GALNT9: variants seen among roughly 807,000 people sequenced by gnomAD.
GALNT9 encodes GalNAc transferase 9.
GALNT9 carries 47 observed loss-of-function variants against 63.1 expected under a neutral mutation model. The ratio of observed to expected loss-of-function variants is 0.75; its 90% CI spans 0.59 to 0.95. The LOEUF (loss-of-function observed/expected upper bound fraction) is 0.95, where lower values mean the gene tolerates loss of function less well. Ranked by LOEUF, GALNT9 falls within the 40% of genes least tolerant of loss-of-function variation. The pLI is 0.00. For missense variants in GALNT9, 829 were observed against 874.8 expected (o/e 0.95, Z 0.66); for synonymous variants, 396 against 365.7 (o/e 1.08, Z -0.94).
rs568788595 is a variant in GALNT9, at chr12:132,246,983, A to G, written c.1077+927T>C. On this transcript the variant is annotated intron_variant, in intron 6 of 10. Coordinates refer to ENST00000328957, the MANE Select transcript of GALNT9 (RefSeq NM_001122636.2). The surrounding 1 kb of genome is among the most constrained non-coding windows in gnomAD (Gnocchi z 4.7). ...CAGGTTTTGAAAGGTGCAACTTAAT[A>G]AACTACATATAAATTTTTAAAACTA... is the stretch of plus-strand genomic sequence containing the variant. 6.6e-6 allele frequency among the ~76,000 whole-genome samples: 1 copy of G among 152,356 alleles called. No homozygotes were observed. The highest frequency in any genetic ancestry group is 3.4e-3 in the Middle Eastern group (1 of 294).
chr12:132,212,020 A>G (rs1158982658), intron 6 of GALNT9, among the ~76,000 whole-genome samples: 5 of 152,234 alleles, frequency 3.3e-5, no homozygotes, highest in African/African-American at 1.2e-4. Context: ...GACACTCCGC[A>G]TGGCAGCGGA....
At chr12:132,219,835 G>A (rs1877375214) in intron 6 of GALNT9, among the ~76,000 whole-genome samples, 1 of 150,778 alleles carries the variant, frequency 6.6e-6, no homozygotes, top group Non-Finnish European at 1.5e-5. Context: ...AAGGGGAAGG[G>A]GCACCTCCCC....
At chr12:132,207,983 C>T (rs1472075868) in intron 6 of GALNT9, among the ~76,000 whole-genome samples, 2 of 152,182 alleles carry the variant, frequency 1.3e-5, no homozygotes, top group Non-Finnish European at 1.5e-5. Flanking sequence ...GGTCTCTTTT[C>T]TGCGTCAGAG....
chr12:132,249,010 G>A (rs782040118), intron 5 of GALNT9, among the ~76,000 whole-genome samples: 3 of 152,196 alleles, frequency 2.0e-5, no homozygotes, highest in Non-Finnish European at 4.4e-5. Context: ...CGCGACGTGC[G>A]AGCTCATTCA....
rs533611923 is a variant in GALNT9, at chr12:132,208,212, G to A, written c.1078-4522C>T. 3.3e-5 allele frequency among the ~76,000 whole-genome samples: 5 copies of A among 152,248 alleles called. No homozygotes were observed. The South Asian group carries it at 6.2e-4, about 19-fold the overall frequency. On this transcript the variant is annotated intron_variant, in intron 6 of 10. Coordinates refer to ENST00000328957, the MANE Select transcript of GALNT9 (RefSeq NM_001122636.2). ...TGGGCCAGAGGAGACCAACACCTAA[G>A]GATCAGGCAAAATCCTCCCACAGGA...
At position 132,316,447 on chromosome 12, in the gene GALNT9, G is replaced by A. The variant is rs1001343010; in HGVS notation, c.238+12519C>T. Among the ~76,000 whole-genome samples the A allele has an allele frequency of 2.6e-5, 4 of 152,066 alleles. No individual in the cohort carries two copies. The highest frequency in any genetic ancestry group is 9.7e-5 in the African/African-American group (4 of 41,382). On this transcript the variant is annotated intron_variant, in intron 1 of 10. Transcript: ENST00000328957. This position sits in a 1 kb window ranked among gnomAD's most constrained non-coding sequence, Gnocchi z 4.3. ...ACTAAAAAAGGAAAAAGAAAGAAAA[G>A]GAATTTGCAGTTCTCAACCTCAGAT...
intron 7 of GALNT9, among the ~76,000 whole-genome samples, chr12:132,202,521 T>TGG (rs1220483101): frequency 6.6e-6 from 1 of 151,894 alleles, no homozygotes; most frequent in Non-Finnish European, 1.5e-5. Flanking sequence ...TTAGGGGCTG[T>TGG]GGTGGGAAGT....
chr12:132,322,537 C>T (rs1399572565), intron 1 of GALNT9, among the ~76,000 whole-genome samples: 3 of 152,230 alleles, frequency 2.0e-5, no homozygotes, highest in South Asian at 2.1e-4. Context: ...CAGAAGGCTC[C>T]GGGAGGGGTG....
chr12:132,196,399 T>G lies in GALNT9; in HGVS notation c.*708A>C. The G allele has an allele frequency of 4.1e-6, 4 of 981,676 alleles. No individual in the cohort carries two copies. The highest frequency in any genetic ancestry group is 4.8e-6 in the Non-Finnish European group (4 of 826,510). The allele number at this position is 981,676 out of a possible 1,614,324, so 60.8% of individuals were successfully genotyped here. A position where few individuals can be genotyped will look rare whatever the true frequency, so the allele number is the denominator to read the frequency against. On this transcript the variant is annotated 3_prime_UTR_variant, in exon 11 of 11. Coordinates refer to ENST00000328957, the MANE Select transcript of GALNT9 (RefSeq NM_001122636.2). ...TGGCTGGGCGCCAATAAAACTGTAT[T>G]TATTAAAACAGGCAAGGGGCTGGGC...
intron 6 of GALNT9, among the ~76,000 whole-genome samples, chr12:132,241,169 C>A (rs2136900888): frequency 1.1e-3 from 95 of 85,004 alleles, no homozygotes; most frequent in Non-Finnish European, 1.7e-3. Flanking sequence ...CACGCCACAC[C>A]CCCTTCCCAG....
chr12:132,285,883 GGGAGAGACAGAGAGAGACA>G (rs1225696513), intron 2 of GALNT9, among the ~76,000 whole-genome samples: 1 of 152,292 alleles, frequency 6.6e-6, no homozygotes, highest in Admixed American at 6.5e-5. Context: ...GAAGGAGAGA[GGGAGAGACAGAGAGAGACA>G]GGAGAGACAG....
At chr12:132,311,047 G>A (rs573213052) in intron 1 of GALNT9, among the ~76,000 whole-genome samples, 23 of 152,144 alleles carry the variant, frequency 1.5e-4, no homozygotes, top group Non-Finnish European at 1.9e-4. Flanking sequence ...CCTGCCTCCC[G>A]CTGAAAAGCA....
intron 2 of GALNT9, among the ~76,000 whole-genome samples, chr12:132,271,811 C>A (rs1484424221): frequency 2.0e-5 from 3 of 152,054 alleles, no homozygotes; most frequent in Admixed American, 1.3e-4. Context: ...TGCAGGGAGG[C>A]TCCCACGCGT....
At chr12:132,308,048 AC>A (rs1364874298) in intron 1 of GALNT9, among the ~76,000 whole-genome samples, 1 of 150,602 alleles carries the variant, frequency 6.6e-6, no homozygotes, top group Non-Finnish European at 1.5e-5. Context: ...AAAAAAAAAA[AC>A]AAAAAAACAC....
chr12:132,293,618 C>T (rs112224861), intron 1 of GALNT9, among the ~76,000 whole-genome samples: 6,691 of 152,318 alleles, frequency 0.044, 223 homozygotes, highest in Middle Eastern at 0.11. Flanking sequence ...ATGTAGACAA[C>T]GTGCCACTTA....
intron 3 of GALNT9, 85 bp from the exon 4 acceptor site, chr12:132,261,207 C>A: frequency 6.5e-7 from 1 of 1,527,282 alleles, no homozygotes; most frequent in East Asian, 2.5e-5. Flanking sequence ...TGCTGCGTGC[C>A]GCGTGTGGGA....
chr12:132,301,029 C>A (rs888824304), intron 1 of GALNT9, among the ~76,000 whole-genome samples: 7 of 152,262 alleles, frequency 4.6e-5, no homozygotes, highest in Non-Finnish European at 1.0e-4. Flanking sequence ...GTTGCACAAG[C>A]TTTGCTTCCT....
chr12:132,318,806 T>C (rs1868645630), intron 1 of GALNT9, among the ~76,000 whole-genome samples: 2 of 152,156 alleles, frequency 1.3e-5, no homozygotes, highest in South Asian at 4.1e-4. Context: ...CCAGCCCTGC[T>C]CCTGCCCCAG....
intron 1 of GALNT9, among the ~76,000 whole-genome samples, chr12:132,302,964 T>C (rs1566018740): frequency 7.6e-6 from 1 of 130,916 alleles, no homozygotes; most frequent in South Asian, 2.5e-4. Context: ...CCGGTGACCG[T>C]CTAAGGGGGG....
Sources: gnomAD v4.1 joint callset for allele counts (sites outside exome capture counted in the v4.1 genomes callset) on GRCh38, gnomAD v4.1.1 for gene constraint, Gnocchi (gnomAD v3.1) non-coding constraint, MANE v1.5 for transcripts, NCBI Gene and HGNC (gene_info 2026-07-23, HGNC 2026-07-21) for gene names.